ARID5B: variants seen among roughly 807,000 people sequenced by gnomAD.
The protein encoded by ARID5B is AT-rich interaction domain 5B, also known as AT-rich interactive domain-containing protein 5B.
In ARID5B, 13 loss-of-function variants were observed where a neutral mutation model predicts 97.2. That is an observed-to-expected ratio of 0.13 (90% confidence interval 0.09 to 0.21). The LOEUF is 0.21. Among genes scored for constraint, ARID5B ranks in the 10% least tolerant of loss-of-function variants. The pLI, the probability that ARID5B is intolerant of heterozygous loss-of-function variation, is 1.00. For missense variants in ARID5B, 1,210 were observed against 1,465.3 expected, an observed-to-expected ratio of 0.83 and a Z score of 2.84; for synonymous variants, 556 against 570.3, an observed-to-expected ratio of 0.97 and a Z score of 0.36.
At position 61,902,269 on chromosome 10, in the gene ARID5B, A is replaced by G. The variant is rs760154666; in HGVS notation, c.132A>G (p.Val44=). ...TGTCCCTTGGCGACTTTTTCTTTGT[A>G]AGATGTACGCCAAAGGATCCGATTT... ...RILSLGDFFF[V]RCTPKDPICI... The change falls in exon 2 of 10, where the codon GTA becomes GTG. Residue 44 remains valine (V), a synonymous_variant. Coordinates refer to ENST00000279873, the MANE Select transcript of ARID5B (RefSeq NM_032199.3). 1 of 1,614,076 alleles carries G rather than the reference A, an allele frequency of 6.2e-7. No homozygotes were observed. Among genetic ancestry groups the G allele is most frequent in the Admixed American group, 1.7e-5 (1 of 60,008 alleles).
Position 62,091,661 on chromosome 10 carries a change from C to T in ARID5B, c.2198C>T (p.Ser733Phe). The T allele has an allele frequency of 6.2e-7, 1 of 1,614,156 alleles. No individual in the cohort carries two copies. The part of the protein sequence containing the change: ...IARDDLCSSL[S>F]QTHHGQSTDH... ...AGGGATGACTTGTGTTCCAGTTTGT[C>T]CCAGACCCACCATGGCCAAAGCACT... The change falls in exon 10 of 10, where the codon TCC (serine) becomes TTC (phenylalanine). Residue 733 changes from serine (S) to phenylalanine (F), a missense_variant. By Grantham distance (155) the Ser-to-Phe change is radical (BLOSUM62 -2). This residue lies in a region of ARID5B where 800 missense variants were observed against 839.1 expected (regional missense o/e 0.95). Coordinates refer to ENST00000279873, the MANE Select transcript of ARID5B (RefSeq NM_032199.3).
chr10:61,926,899 C>T (rs1844116294), intron 2 of ARID5B, among the ~76,000 whole-genome samples: 2 of 152,306 alleles, frequency 1.3e-5, no homozygotes, highest in South Asian at 2.1e-4. Flanking sequence ...GCTGGGATTA[C>T]AGGCGTGAGC....
chr10:62,083,893 T>C (rs1840248705), intron 8 of ARID5B, among the ~76,000 whole-genome samples: 1 of 152,224 alleles, frequency 6.6e-6, no homozygotes. Context: ...ACAGAATAAA[T>C]TCAAGTATGA....
rs950342278 is a variant in ARID5B, at chr10:62,032,106, C to T, written c.734-18782C>T. Among the ~76,000 whole-genome samples the T allele has an allele frequency of 3.9e-5, 6 of 152,000 alleles. No individual in the cohort carries two copies. The East Asian group carries it at 5.8e-4, about 15-fold the overall frequency. Reference sequence around the variant, plus strand: ...AATCTGGAGGCTGAGGTGGTAAGATCGCTAGTGGCCAGCCAGGGCAACAAA... The same window carrying T: ...AATCTGGAGGCTGAGGTGGTAAGATTGCTAGTGGCCAGCCAGGGCAACAAA... On this transcript the variant is annotated intron_variant, in intron 4 of 9. Coordinates refer to ENST00000279873, the MANE Select transcript of ARID5B (RefSeq NM_032199.3).
chr10:62,041,811 A>G (rs1839641373), intron 4 of ARID5B, among the ~76,000 whole-genome samples: 1 of 152,228 alleles, frequency 6.6e-6, no homozygotes, highest in Non-Finnish European at 1.5e-5. Flanking sequence ...CTGAACAAGA[A>G]TGTCCTGTTT....
At chr10:61,920,148 G>A (rs1045270295) in intron 2 of ARID5B, among the ~76,000 whole-genome samples, 3 of 151,952 alleles carry the variant, frequency 2.0e-5, no homozygotes, top group Non-Finnish European at 4.4e-5. Flanking sequence ...AATCTTTACA[G>A]GCTTTTTGTG....
chr10:61,961,746 C>A (rs1301190054), intron 3 of ARID5B, among the ~76,000 whole-genome samples: 1 of 151,958 alleles, frequency 6.6e-6, no homozygotes, highest in Non-Finnish European at 1.5e-5. Context: ...TTCTTTCTTT[C>A]TTTCTTTCTT....
In ARID5B at chr10:62,057,221, C is replaced by T. The variant is rs769236654; in HGVS notation, c.951C>T (p.Cys317=). The change falls in exon 6 of 10, where the codon TGC becomes TGT. Residue 317 remains cysteine (C), a synonymous_variant. Transcript: ENST00000279873. The part of the protein sequence containing the change: ...EKPKVAIGEE[C]RADEQAFLVA... ...CAAAGGTTGCCATTGGTGAAGAGTG[C>T]AGGGCAGATGAACAAGCCTTCTTGG... is the stretch of plus-strand genomic sequence containing the variant. The T allele has an allele frequency of 3.1e-6, 5 of 1,613,690 alleles. No homozygotes were observed. The South Asian group carries it at 5.5e-5, about 18-fold the overall frequency.
intron 8 of ARID5B, among the ~76,000 whole-genome samples, chr10:62,083,627 C>T (rs1840244804): frequency 6.6e-6 from 1 of 152,250 alleles, no homozygotes; most frequent in Admixed American, 6.5e-5. Flanking sequence ...AAATTGCTAT[C>T]ATTGGAATAC....
chr10:61,960,283 T>C lies in ARID5B; in HGVS notation c.502+19875T>C, dbSNP rs1481499403. On this transcript the variant is annotated intron_variant, in intron 3 of 9. Transcript: ENST00000279873. Reference sequence around the variant, plus strand: ...TAATGTCTTCAGTAGTTACTTTCTCTTTAGAAAGCTCCAAGGAAGCTCACA... The same window carrying C: ...TAATGTCTTCAGTAGTTACTTTCTCCTTAGAAAGCTCCAAGGAAGCTCACA... Among the ~76,000 whole-genome samples the C allele has an allele frequency of 3.9e-5, 6 of 152,236 alleles. No homozygotes were observed. In the South Asian group the frequency reaches 1.2e-3, roughly 32 times the overall value.
intron 2 of ARID5B, among the ~76,000 whole-genome samples, chr10:61,913,280 G>C (rs1458052539): frequency 6.6e-6 from 1 of 152,212 alleles, no homozygotes; most frequent in Non-Finnish European, 1.5e-5. Context: ...TTTAGGCATG[G>C]CTAGCTTAAA....
intron 5 of ARID5B, 25 bp downstream of exon 5, chr10:62,051,025 T>G: frequency 3.4e-4 from 523 of 1,560,348 alleles, no homozygotes; most frequent in Non-Finnish European, 4.2e-4. Context: ...TCCACGGTAT[T>G]CATTTCGTTG....
chr10:62,015,168 T>G (rs1340339570), intron 4 of ARID5B, among the ~76,000 whole-genome samples: 2 of 152,254 alleles, frequency 1.3e-5, no homozygotes, highest in African/African-American at 4.8e-5. Flanking sequence ...AACCACTTAA[T>G]GAAGTGTTAG....
intron 2 of ARID5B, among the ~76,000 whole-genome samples, chr10:61,903,811 T>G (rs1368614809): frequency 1.3e-5 from 2 of 152,114 alleles, no homozygotes; most frequent in Non-Finnish European, 2.9e-5. Flanking sequence ...CTATGCCGGT[T>G]AATTACTGGA....
intron 2 of ARID5B, among the ~76,000 whole-genome samples, chr10:61,921,888 T>C (rs1441225595): frequency 3.3e-5 from 5 of 152,038 alleles, no homozygotes; most frequent in African/African-American, 1.2e-4. Context: ...GTCACCTGGG[T>C]CGGAGTGCAG....
chr10:62,092,342 T>C lies in ARID5B; in HGVS notation c.2879T>C (p.Met960Thr). Reference sequence around the variant, plus strand: ...CCCAAAGCCTGTCGGGTATCACCCATGACCATGTCAGGCCCTAAAAAATAC... The same window carrying C: ...CCCAAAGCCTGTCGGGTATCACCCACGACCATGTCAGGCCCTAAAAAATAC... ...CHPKACRVSP[M>T]TMSGPKKYPE... Residue 960 changes from methionine to threonine, a missense_variant, in exon 10 of 10, where the codon ATG becomes ACG. Around this residue, in one of 8 missense-constraint regions of ARID5B, gnomAD observed 800 missense variants for 839.1 expected, o/e 0.95. Transcript: ENST00000279873. The C allele has an allele frequency of 6.2e-7, 1 of 1,614,002 alleles. No individual in the cohort carries two copies. Among genetic ancestry groups the C allele is most frequent in the East Asian group, 2.2e-5 (1 of 44,888 alleles).
At chr10:61,993,913 T>C (rs1172264611) in intron 3 of ARID5B, among the ~76,000 whole-genome samples, 2 of 152,184 alleles carry the variant, frequency 1.3e-5, no homozygotes, top group African/African-American at 4.8e-5. Flanking sequence ...GACATTATTT[T>C]GCTTAAATTG....
intron 5 of ARID5B, among the ~76,000 whole-genome samples, chr10:62,054,051 T>A (rs1322660361): frequency 6.6e-6 from 1 of 152,188 alleles, no homozygotes; most frequent in Non-Finnish European, 1.5e-5. Flanking sequence ...GTGGTTAATA[T>A]CAAATAGGTG....
At chr10:62,020,915 T>TGCTGTA (rs1363917247) in intron 4 of ARID5B, among the ~76,000 whole-genome samples, 6 of 151,710 alleles carry the variant, frequency 4.0e-5, no homozygotes, top group African/African-American at 1.5e-4. Flanking sequence ...AGCTGCCATT[T>TGCTGTA]GCTGTAGCCC....
Sources: gnomAD v4.1 joint callset for allele counts (sites outside exome capture counted in the v4.1 genomes callset) on GRCh38, gnomAD v4.1.1 for gene constraint, gnomAD v4.1.1 regional missense constraint, MANE v1.5 for transcripts, NCBI Gene and HGNC (gene_info 2026-07-23, HGNC 2026-07-21) for gene names.